CSMD1: variants seen among roughly 807,000 people sequenced by gnomAD.
CSMD1 encodes the protein CUB and sushi domain-containing protein 1.
A neutral mutation model predicts 417.5 loss-of-function variants in CSMD1; 213 were observed. The observed-to-expected ratio is 0.51, with a 90% CI of 0.46 to 0.57. CSMD1 has a LOEUF of 0.57. CSMD1 is among the 20% of genes least tolerant of loss of function. CSMD1 has a pLI of 0.00. For missense variants in CSMD1, 6,923 were observed against 4,529.7 expected, an observed-to-expected ratio of 1.53 and a Z score of -15.17; for synonymous variants, 2,862 against 1,736.8, an observed-to-expected ratio of 1.65 and a Z score of -16.11.
chr8:3,254,586 C>A (rs555924204), intron 26 of CSMD1, among the ~76,000 whole-genome samples: 2 of 152,086 alleles, frequency 1.3e-5, no homozygotes, highest in Non-Finnish European at 2.9e-5. Context: ...ATTCTTTTTT[C>A]TCTAAACTTC....
intron 54 of CSMD1, among the ~76,000 whole-genome samples, chr8:2,980,418 C>G (rs1331710211): frequency 6.6e-6 from 1 of 151,678 alleles, no homozygotes; most frequent in Non-Finnish European, 1.5e-5. Context: ...CTTGTCCTCT[C>G]CTCCTCCTTT....
chr8:3,972,974 G>C (rs1175657102), intron 5 of CSMD1, among the ~76,000 whole-genome samples: 1 of 152,190 alleles, frequency 6.6e-6, no homozygotes, highest in East Asian at 1.9e-4. Context: ...CAATACTTAT[G>C]TGGAAAAACA....
chr8:3,862,652 A>G (rs1003137907), intron 5 of CSMD1, among the ~76,000 whole-genome samples: 9 of 152,184 alleles, frequency 5.9e-5, no homozygotes, highest in Non-Finnish European at 1.5e-5. Flanking sequence ...ATCTCTAAAT[A>G]TTTCTTTGGT....
intron 1 of CSMD1, among the ~76,000 whole-genome samples, chr8:4,971,379 T>C (rs1027602934): frequency 7.9e-5 from 12 of 152,066 alleles, no homozygotes; most frequent in African/African-American, 2.4e-4. Context: ...AAAATACTTA[T>C]AAAGAAATGT....
chr8:3,796,535 T>A (rs1053139094), intron 5 of CSMD1, among the ~76,000 whole-genome samples: 1 of 144,930 alleles, frequency 6.9e-6, no homozygotes, highest in African/African-American at 2.5e-5. Flanking sequence ...ATCTAAGATA[T>A]ATATCTATAT....
chr8:4,234,873 T>A (rs1271524659), intron 3 of CSMD1, among the ~76,000 whole-genome samples: 3 of 152,118 alleles, frequency 2.0e-5, no homozygotes, highest in Non-Finnish European at 2.9e-5. Flanking sequence ...CACGTAGCTT[T>A]TCCTCGGTGT....
At chr8:3,551,959 G>C (rs1798934651) in intron 10 of CSMD1, among the ~76,000 whole-genome samples, 2 of 152,166 alleles carry the variant, frequency 1.3e-5, no homozygotes, top group Non-Finnish European at 2.9e-5. Flanking sequence ...CTGCCACTGT[G>C]GGAGCTGAGG....
At chr8:3,146,258 A>G (rs7828702) in intron 40 of CSMD1, among the ~76,000 whole-genome samples, 30,570 of 151,882 alleles carry the variant, frequency 0.2, 4,762 homozygotes, top group African/African-American at 0.42. Flanking sequence ...GACACTCTCA[A>G]GAAAACGGAG....
At chr8:3,553,363 T>A (rs1267150755) in intron 10 of CSMD1, among the ~76,000 whole-genome samples, 1 of 152,202 alleles carries the variant, frequency 6.6e-6, no homozygotes, top group Non-Finnish European at 1.5e-5. Context: ...CTGCCTTTTT[T>A]AGATAAATTG....
At chr8:3,275,547 C>T (rs939911738) in intron 26 of CSMD1, among the ~76,000 whole-genome samples, 2 of 152,330 alleles carry the variant, frequency 1.3e-5, no homozygotes, top group Middle Eastern at 3.4e-3. Flanking sequence ...TCCATTGTCC[C>T]TGTCTCTTTC....
At chr8:3,955,713 A>G (rs1383539764) in intron 5 of CSMD1, among the ~76,000 whole-genome samples, 1 of 150,510 alleles carries the variant, frequency 6.6e-6, no homozygotes, top group Admixed American at 6.8e-5. Flanking sequence ...GGACACAAAG[A>G]TTCTTCGAGA....
intron 28 of CSMD1, among the ~76,000 whole-genome samples, chr8:3,221,594 G>A (rs962647998): frequency 6.8e-6 from 1 of 146,720 alleles, no homozygotes; most frequent in African/African-American, 2.5e-5. Context: ...TTTTTTTTTT[G>A]CCTGTACCAA....
At chr8:3,187,153 T>G (rs1006871553) in intron 36 of CSMD1, among the ~76,000 whole-genome samples, 1 of 152,196 alleles carries the variant, frequency 6.6e-6, no homozygotes, top group Non-Finnish European at 1.5e-5. Flanking sequence ...AGGGAGATAA[T>G]CGCAATACTG....
chr8:4,015,642 T>C (rs1585135852), intron 4 of CSMD1, among the ~76,000 whole-genome samples: 1 of 46,870 alleles, frequency 2.1e-5, no homozygotes, highest in Non-Finnish European at 4.4e-5. Context: ...TCAAAATAGA[T>C]AAAAATCAGT....
intron 1 of CSMD1, among the ~76,000 whole-genome samples, chr8:4,759,042 T>A (rs561754087): frequency 2.2e-4 from 34 of 151,990 alleles, no homozygotes; most frequent in East Asian, 3.9e-4. Context: ...GGAGATGGAG[T>A]TGATGTGCAG....
intron 10 of CSMD1, among the ~76,000 whole-genome samples, chr8:3,509,060 T>C (rs1301234262): frequency 1.3e-5 from 2 of 152,210 alleles, no homozygotes; most frequent in African/African-American, 4.8e-5. Flanking sequence ...CAGCGGTCCA[T>C]GTGCCAGTTT....
intron 5 of CSMD1, among the ~76,000 whole-genome samples, chr8:3,823,559 T>A: frequency 6.6e-6 from 1 of 152,262 alleles, no homozygotes; most frequent in Middle Eastern, 3.4e-3. Flanking sequence ...AATAAAAAAT[T>A]TACAATTATA....
intron 1 of CSMD1, among the ~76,000 whole-genome samples, chr8:4,641,554 G>T (rs117779380): frequency 3.9e-4 from 59 of 152,188 alleles, no homozygotes; most frequent in Non-Finnish European, 7.8e-4. Context: ...TACAAGGATG[G>T]AAGAACAAGT....
At chr8:4,027,866 A>G (rs1034608707) in intron 4 of CSMD1, among the ~76,000 whole-genome samples, 1 of 152,214 alleles carries the variant, frequency 6.6e-6, no homozygotes, top group African/African-American at 2.4e-5. Context: ...TTAAATAAAT[A>G]AAGAGAACAA....
Sources: allele counts gnomAD v4.1 joint callset (sites outside exome capture counted in the v4.1 genomes callset), GRCh38; gene constraint gnomAD v4.1.1; transcripts MANE v1.5; gene names NCBI Gene and HGNC (gene_info 2026-07-23, HGNC 2026-07-21).